SLC16A7: variants seen among roughly 807,000 people sequenced by gnomAD.
SLC16A7 encodes monocarboxylate transporter 2.
Under a neutral mutation model 34.9 loss-of-function variants are expected in SLC16A7, and 33 were observed. The observed-to-expected ratio is 0.94, with a 90% CI of 0.72 to 1.26. SLC16A7 has a LOEUF of 1.26. SLC16A7 is among the 50% of genes most tolerant of loss of function. SLC16A7 has a pLI of 0.00. For missense variants in SLC16A7, 573 were observed against 578.1 expected, an observed-to-expected ratio of 0.99 and a Z score of 0.09; for synonymous variants, 201 against 206.6, an observed-to-expected ratio of 0.97 and a Z score of 0.23.
At chr12:59,752,155 G>GA (rs1592642077) in intron 3 of SLC16A7, among the ~76,000 whole-genome samples, 1 of 147,724 alleles carries the variant, frequency 6.8e-6, no homozygotes, top group South Asian at 2.2e-4. Context: ...TAAAGATGGG[G>GA]AAAAAACAGC....
intron 3 of SLC16A7, among the ~76,000 whole-genome samples, chr12:59,709,763 G>C (rs1013405936): frequency 2.0e-5 from 3 of 151,474 alleles, no homozygotes; most frequent in Non-Finnish European, 2.9e-5. Context: ...TATTACTAAA[G>C]CTTTCTATGA....
At chr12:59,649,051 A>G (rs1201804326) in intron 1 of SLC16A7, among the ~76,000 whole-genome samples, 1 of 152,208 alleles carries the variant, frequency 6.6e-6, no homozygotes, top group Non-Finnish European at 1.5e-5. Flanking sequence ...ATGAAAGTGG[A>G]AAAGTAATGA....
intron 1 of SLC16A7, among the ~76,000 whole-genome samples, chr12:59,610,147 A>G (rs879670110): frequency 2.0e-5 from 3 of 152,174 alleles, no homozygotes; most frequent in Non-Finnish European, 4.4e-5. Context: ...CACACAATTT[A>G]TAGAAGAGAG....
intron 3 of SLC16A7, among the ~76,000 whole-genome samples, chr12:59,719,441 G>C (rs1875307261): frequency 6.6e-6 from 1 of 151,824 alleles, no homozygotes; most frequent in African/African-American, 2.4e-5. Flanking sequence ...GCTTGAAAAA[G>C]ATCTATTTTA....
chr12:59,705,384 T>C (rs1274795187), intron 3 of SLC16A7, among the ~76,000 whole-genome samples: 2 of 152,164 alleles, frequency 1.3e-5, no homozygotes, highest in African/African-American at 4.8e-5. Context: ...TGCTTTCTTC[T>C]GAATGAGAAG....
At chr12:59,640,479 G>A (rs1458984291) in intron 1 of SLC16A7, among the ~76,000 whole-genome samples, 6 of 151,662 alleles carry the variant, frequency 4.0e-5, no homozygotes. Flanking sequence ...CATTAGGATT[G>A]TTATTTTTGC....
rs1883812319 is a variant in SLC16A7, at chr12:59,789,007, T to G, written c.*9328T>G. 2.0e-5 allele frequency: 3 copies of G among 152,104 alleles called. No individual in the cohort carries two copies. Among genetic ancestry groups the G allele is most frequent in the Admixed American group, 2.0e-4 (3 of 15,260 alleles). The allele number at this position is 152,104 out of a possible 1,614,324, so 9.4% of individuals were successfully genotyped here. A position where few individuals can be genotyped will look rare whatever the true frequency, so the allele number is the denominator to read the frequency against. Reference sequence around the variant, plus strand: ...CTTGGTTGTAGTTTCTAATTTTCACTGCATAACAAATTTGAAACCAAATGT... The same window carrying G: ...CTTGGTTGTAGTTTCTAATTTTCACGGCATAACAAATTTGAAACCAAATGT... On this transcript the variant is annotated 3_prime_UTR_variant, in exon 6 of 6. Transcript: ENST00000547379.
At chr12:59,644,591 T>C (rs1880828183) in intron 1 of SLC16A7, among the ~76,000 whole-genome samples, 1 of 152,086 alleles carries the variant, frequency 6.6e-6, no homozygotes, top group East Asian at 1.9e-4. Flanking sequence ...AAAACAGTTA[T>C]AAAGTCTTAC....
intron 3 of SLC16A7, among the ~76,000 whole-genome samples, chr12:59,707,724 A>G (rs1873751133): frequency 6.6e-6 from 1 of 152,114 alleles, no homozygotes; most frequent in Admixed American, 6.6e-5. Context: ...CTAGATACAT[A>G]CAAATTCTTG....
intron 1 of SLC16A7, among the ~76,000 whole-genome samples, chr12:59,603,705 AG>A (rs1341218883): frequency 2.6e-5 from 4 of 152,166 alleles, no homozygotes; most frequent in African/African-American, 9.6e-5. Context: ...TATACTATAA[AG>A]TTGTAGATGT....
intron 1 of SLC16A7, among the ~76,000 whole-genome samples, chr12:59,604,984 C>T (rs1404731521): frequency 3.3e-5 from 5 of 152,076 alleles, no homozygotes; most frequent in Admixed American, 3.3e-4. Context: ...GTAGCTGGGA[C>T]TACAGGCGCC....
chr12:59,733,553 G>A (rs1399019314), intron 3 of SLC16A7, among the ~76,000 whole-genome samples: 1 of 152,172 alleles, frequency 6.6e-6, no homozygotes, highest in Admixed American at 6.5e-5. Flanking sequence ...AATGCCAGGA[G>A]ACACAGAGCC....
rs1798996116 is a variant in SLC16A7, at chr12:59,785,435, AAATG to A, written c.*5760_*5763del. On this transcript the variant is annotated 3_prime_UTR_variant, in exon 6 of 6. Transcript: ENST00000547379. ...CCTTAAGAGCAAAATTAATATTGCA[AAATG>A]AATTTTTGATTTTACAGAAGCATAT... 6.6e-6 allele frequency: 1 copy of A among 152,170 alleles called. No individual in the cohort carries two copies. The highest frequency in any genetic ancestry group is 2.4e-5 in the African/African-American group (1 of 41,450). 9.4% of individuals were successfully genotyped at this position (152,170 alleles called of 1,614,324 possible).
At chr12:59,759,803 C>A (rs1158887197) in intron 3 of SLC16A7, among the ~76,000 whole-genome samples, 2 of 152,114 alleles carry the variant, frequency 1.3e-5, no homozygotes, top group Admixed American at 6.6e-5. Context: ...TAAAGGCTAT[C>A]TTTTCTGTGG....
intron 1 of SLC16A7, among the ~76,000 whole-genome samples, chr12:59,652,884 G>T (rs931962307): frequency 1.3e-5 from 2 of 151,810 alleles, no homozygotes; most frequent in Non-Finnish European, 2.9e-5. Context: ...GCTTCAGAAG[G>T]TCAGGTATTC....
intron 2 of SLC16A7, among the ~76,000 whole-genome samples, chr12:59,671,000 C>A (rs1419871715): frequency 6.6e-6 from 1 of 152,134 alleles, no homozygotes. Flanking sequence ...TGCATTTCTG[C>A]TGATAAAATA....
At chr12:59,662,492 A>G (rs2137031763) in intron 2 of SLC16A7, among the ~76,000 whole-genome samples, 1 of 152,172 alleles carries the variant, frequency 6.6e-6, no homozygotes, top group East Asian at 1.9e-4. Flanking sequence ...CTATTTTTGG[A>G]GTTACTTTTG....
At chr12:59,641,205 C>CA (rs1162713657) in intron 1 of SLC16A7, among the ~76,000 whole-genome samples, 1 of 152,034 alleles carries the variant, frequency 6.6e-6, no homozygotes, top group Non-Finnish European at 1.5e-5. Context: ...CCTCCTTTAT[C>CA]ACACAAGCTA....
intron 3 of SLC16A7, among the ~76,000 whole-genome samples, chr12:59,709,139 A>G (rs1873929178): frequency 6.6e-6 from 1 of 151,670 alleles, no homozygotes; most frequent in Non-Finnish European, 1.5e-5. Flanking sequence ...GATAATCTAT[A>G]TATGGTTACC....
Sources: allele counts gnomAD v4.1 joint callset (sites outside exome capture counted in the v4.1 genomes callset), GRCh38; gene constraint gnomAD v4.1.1; transcripts MANE v1.5; gene names NCBI Gene and HGNC (gene_info 2026-07-23, HGNC 2026-07-21).